Variants in GLIS1 observed in about 807,000 individuals in gnomAD.
GLIS1 encodes the protein GLIS family zinc finger 1.
In GLIS1, 24 loss-of-function variants were observed where a neutral mutation model predicts 63.8. The ratio of observed to expected loss-of-function variants is 0.38; its 90% CI spans 0.27 to 0.53. The LOEUF is 0.53. Ranked by LOEUF, GLIS1 falls within the 20% of genes least tolerant of loss-of-function variation. The pLI is 0.85. For missense variants in GLIS1, 1,036 were observed against 1,074.1 expected (o/e 0.96, Z 0.50); for synonymous variants, 450 against 482.5 (o/e 0.93, Z 0.88).
chr1:53,533,027 G>A (rs1335956691), intron 4 of GLIS1, among the ~76,000 whole-genome samples: 2 of 152,288 alleles, frequency 1.3e-5, no homozygotes, highest in African/African-American at 2.4e-5. Context: ...ATCTGCAGGA[G>A]TGAGACTGTG....
intron 2 of GLIS1, among the ~76,000 whole-genome samples, chr1:53,649,825 A>G (rs189851468): frequency 1.3e-5 from 2 of 152,350 alleles, no homozygotes; most frequent in Admixed American, 1.3e-4. Flanking sequence ...AATCCATATA[A>G]CATATAAAAT....
At chr1:53,581,322 T>G (rs549595248) in intron 4 of GLIS1, among the ~76,000 whole-genome samples, 1 of 152,260 alleles carries the variant, frequency 6.6e-6, no homozygotes, top group East Asian at 1.9e-4. Flanking sequence ...AACACGACCC[T>G]GTGAGCTGCT....
chr1:53,600,634 C>T (rs1557474437), intron 2 of GLIS1, among the ~76,000 whole-genome samples: 5 of 152,182 alleles, frequency 3.3e-5, no homozygotes, highest in African/African-American at 9.7e-5. Flanking sequence ...ATTATCCTCA[C>T]GTTAACCACA....
intron 2 of GLIS1, among the ~76,000 whole-genome samples, chr1:53,676,153 G>C (rs1432027035): frequency 1.3e-5 from 2 of 152,188 alleles, no homozygotes; most frequent in African/African-American, 2.4e-5. Flanking sequence ...TTTGGGGTTT[G>C]AGGTTTTGGT....
intron 2 of GLIS1, among the ~76,000 whole-genome samples, chr1:53,735,754 T>C (rs1215103202): frequency 6.6e-6 from 1 of 152,168 alleles, no homozygotes; most frequent in Non-Finnish European, 1.5e-5. Flanking sequence ...TTACATGGTC[T>C]GGGACTATTT....
intron 2 of GLIS1, among the ~76,000 whole-genome samples, chr1:53,721,631 G>A (rs1036587743): frequency 1.3e-5 from 2 of 152,214 alleles, no homozygotes; most frequent in East Asian, 3.9e-4. Flanking sequence ...GAGGAGGAGG[G>A]GTTCTGTCTA....
chr1:53,616,774 C>G (rs1645486935), intron 2 of GLIS1, among the ~76,000 whole-genome samples: 1 of 152,170 alleles, frequency 6.6e-6, no homozygotes, highest in South Asian at 2.1e-4. Context: ...ATCCGGAGAT[C>G]CAGCCCGGAG....
intron 2 of GLIS1, among the ~76,000 whole-genome samples, chr1:53,704,711 G>A (rs1021512191): frequency 1.3e-5 from 2 of 152,200 alleles, no homozygotes. Context: ...CATCAGCGGG[G>A]CAGACCTCAG....
rs940945670 is a variant in GLIS1, at chr1:53,511,959, A to G, written c.1884-1932T>C. On this transcript the variant is annotated intron_variant, in intron 8 of 10. Transcript: ENST00000628545. The surrounding 1 kb of genome is among the most constrained non-coding windows in gnomAD (Gnocchi z 4.2). ...GTGCCCAGCGCTGGGCATGGCACACAGTGAAAAACCAATGACACTAATAAA... is the reference window on the plus strand; with the variant it reads ...GTGCCCAGCGCTGGGCATGGCACACGGTGAAAAACCAATGACACTAATAAA... 1.3e-5 allele frequency among the ~76,000 whole-genome samples: 2 copies of G among 152,252 alleles called. No individual in the cohort carries two copies. The highest frequency in any genetic ancestry group is 1.3e-4 in the Admixed American group (2 of 15,288).
chr1:53,701,523 C>G (rs1011229154), intron 2 of GLIS1, among the ~76,000 whole-genome samples: 1 of 152,122 alleles, frequency 6.6e-6, no homozygotes, highest in African/African-American at 2.4e-5. Context: ...CTATTGTGGC[C>G]CCATTTTACA....
At chr1:53,573,063 GT>G (rs971566461) in intron 4 of GLIS1, among the ~76,000 whole-genome samples, 4 of 152,196 alleles carry the variant, frequency 2.6e-5, no homozygotes. Flanking sequence ...ACCACCAGCA[GT>G]TTATGGGTCC....
At chr1:53,543,097 C>T (rs1644660876) in intron 4 of GLIS1, among the ~76,000 whole-genome samples, 1 of 152,246 alleles carries the variant, frequency 6.6e-6, no homozygotes, top group African/African-American at 2.4e-5. Flanking sequence ...ATTTGCTACC[C>T]AGCATGTGGG....
At chr1:53,638,864 G>C (rs1434219593) in intron 2 of GLIS1, among the ~76,000 whole-genome samples, 1 of 152,186 alleles carries the variant, frequency 6.6e-6, no homozygotes, top group Admixed American at 6.5e-5. Flanking sequence ...GCAGAAGGGG[G>C]ACTGCCAGGC....
chr1:53,602,602 A>G (rs1645329802), intron 2 of GLIS1, among the ~76,000 whole-genome samples: 1 of 152,152 alleles, frequency 6.6e-6, no homozygotes, highest in Admixed American at 6.5e-5. Flanking sequence ...GCCAGCACCT[A>G]CCAAGCCCTC....
chr1:53,573,469 T>G (rs145183336), intron 4 of GLIS1, among the ~76,000 whole-genome samples: 26 of 152,164 alleles, frequency 1.7e-4, no homozygotes, highest in Admixed American at 7.2e-4. Flanking sequence ...GGTGCCCTCC[T>G]CAGGCTTATA....
chr1:53,528,243 G>T (rs1184666607), intron 5 of GLIS1, among the ~76,000 whole-genome samples: 1 of 152,210 alleles, frequency 6.6e-6, no homozygotes. Flanking sequence ...AAGCTGAGAA[G>T]GGGAGGACTG....
intron 2 of GLIS1, among the ~76,000 whole-genome samples, chr1:53,672,090 G>A (rs1415244558): frequency 2.6e-5 from 4 of 152,192 alleles, no homozygotes; most frequent in African/African-American, 4.8e-5. Context: ...AAGGCCAACT[G>A]AGTCAAGGCC....
intron 4 of GLIS1, among the ~76,000 whole-genome samples, chr1:53,583,211 C>A (rs1229046732): frequency 6.6e-6 from 1 of 152,188 alleles, no homozygotes; most frequent in East Asian, 1.9e-4. Flanking sequence ...ATTTCAGTGA[C>A]CCCACTGTGA....
At chr1:53,726,715 A>T (rs1474835834) in intron 2 of GLIS1, among the ~76,000 whole-genome samples, 1 of 151,222 alleles carries the variant, frequency 6.6e-6, no homozygotes, top group East Asian at 2.0e-4. Context: ...TCCCTCCCCA[A>T]CCTCCCCCAG....
Sources: gnomAD v4.1 joint callset for allele counts (sites outside exome capture counted in the v4.1 genomes callset) on GRCh38, gnomAD v4.1.1 for gene constraint, Gnocchi (gnomAD v3.1) non-coding constraint, MANE v1.5 for transcripts, NCBI Gene and HGNC (gene_info 2026-07-23, HGNC 2026-07-21) for gene names.